The following RALYL variants were observed in gnomAD, a reference collection of about 807,000 sequenced individuals.
RALYL encodes the protein RALY RNA binding protein like, also known as RNA-binding Raly-like protein.
RALYL carries 29 observed loss-of-function variants against 35.1 expected under a neutral mutation model. The observed-to-expected ratio is 0.83, with a 90% CI of 0.61 to 1.13. The LOEUF is 1.13. Among genes scored for constraint, RALYL ranks in the 50% most tolerant of loss-of-function variants. RALYL has a pLI of 0.00. For missense variants in RALYL, 359 were observed against 360.4 expected, an observed-to-expected ratio of 1.00 and a Z score of 0.03; for synonymous variants, 120 against 127.6, an observed-to-expected ratio of 0.94 and a Z score of 0.40.
intron 8 of RALYL, among the ~76,000 whole-genome samples, chr8:84,897,830 C>A (rs765124357): frequency 1.6e-4 from 24 of 152,160 alleles, no homozygotes; most frequent in Admixed American, 7.2e-4. Context: ...CTACTGGTTT[C>A]TGGTTTCACA....
chr8:84,854,852 T>C (rs1836652016), intron 5 of RALYL, among the ~76,000 whole-genome samples: 1 of 152,154 alleles, frequency 6.6e-6, no homozygotes, highest in African/African-American at 2.4e-5. Context: ...GCATAGGAGA[T>C]TCTGTTCAGA....
intron 8 of RALYL, chr8:84,907,111 A>G (rs1846630278): frequency 3.7e-6 from 1 of 268,720 alleles, no homozygotes; most frequent in South Asian, 1.4e-4. Context: ...TTAGGAATAC[A>G]TTTTAATAAT....
chr8:84,361,939 G>A (rs930180198), intron 1 of RALYL, among the ~76,000 whole-genome samples: 1 of 152,110 alleles, frequency 6.6e-6, no homozygotes, highest in Non-Finnish European at 1.5e-5. Context: ...GTGAGACTTT[G>A]AGCAAAATAC....
At chr8:84,615,503 A>C (rs901175475) in intron 2 of RALYL, among the ~76,000 whole-genome samples, 1 of 149,226 alleles carries the variant, frequency 6.7e-6, no homozygotes, top group African/African-American at 2.5e-5. Context: ...GTGATTAATC[A>C]GTTTAAACAG....
Position 84,432,688 on chromosome 8 carries a change from A to G in RALYL, c.-23-96611A>G, listed in dbSNP as rs190431236. Among the ~76,000 whole-genome samples the G allele has an allele frequency of 1.5e-3, 233 of 152,234 alleles. 2 individuals are homozygous for G. Among genetic ancestry groups the G allele is most frequent in the African/African-American group, 4.5e-3 (186 of 41,544 alleles). The stretch of plus-strand genomic sequence containing the variant: ...TACAGTAGGCTGAGTTCTACATCCA[A>G]TATGCCTGGAGTTTTATAAGACAAT... On this transcript the variant is annotated intron_variant, in intron 1 of 8. Transcript: ENST00000521268.
chr8:84,437,306 G>A (rs372071193), intron 1 of RALYL, among the ~76,000 whole-genome samples: 2 of 152,152 alleles, frequency 1.3e-5, no homozygotes, highest in South Asian at 2.1e-4. Context: ...CTTTGCTATC[G>A]TGTTGTGATG....
At chr8:84,483,692 A>G (rs115395490) in intron 1 of RALYL, among the ~76,000 whole-genome samples, 120 of 152,272 alleles carry the variant, frequency 7.9e-4, no homozygotes, top group African/African-American at 2.7e-3. Flanking sequence ...AGATATTATC[A>G]AACTACAACA....
intron 2 of RALYL, among the ~76,000 whole-genome samples, chr8:84,649,910 T>C (rs1213930233): frequency 2.0e-5 from 3 of 152,260 alleles, no homozygotes; most frequent in Non-Finnish European, 2.9e-5. Flanking sequence ...TTCCTACCCA[T>C]GAGCATGGAA....
intron 1 of RALYL, among the ~76,000 whole-genome samples, chr8:84,310,726 G>A (rs1011450073): frequency 6.6e-6 from 1 of 152,116 alleles, no homozygotes; most frequent in Admixed American, 6.5e-5. Context: ...TAAGGCAGAA[G>A]TAAATGGCTA....
chr8:84,424,815 G>A (rs2046149748), intron 1 of RALYL, among the ~76,000 whole-genome samples: 2 of 152,178 alleles, frequency 1.3e-5, no homozygotes, highest in South Asian at 4.1e-4. Flanking sequence ...TGCTGTGTGA[G>A]GTGTCAGTGT....
chr8:84,464,215 T>C (rs1268383797), intron 1 of RALYL, among the ~76,000 whole-genome samples: 1 of 151,640 alleles, frequency 6.6e-6, no homozygotes, highest in Non-Finnish European at 1.5e-5. Context: ...TATGTATACA[T>C]GTGCCATGCT....
chr8:84,294,891 G>T (rs1472132681), intron 1 of RALYL, among the ~76,000 whole-genome samples: 1 of 152,050 alleles, frequency 6.6e-6, no homozygotes, highest in Non-Finnish European at 1.5e-5. Context: ...GAACATAATT[G>T]ACTTTCTCTG....
intron 3 of RALYL, among the ~76,000 whole-genome samples, chr8:84,782,227 C>G (rs1382042359): frequency 6.6e-6 from 1 of 152,136 alleles, no homozygotes; most frequent in Non-Finnish European, 1.5e-5. Flanking sequence ...ACAGACTAGG[C>G]CTTCAAATTA....
rs1229959194 is a variant in RALYL at position 84,184,792 on chromosome 8, G to A, written c.-24+368G>A. ...TCCGAGGGCCACTTGCACAGCAGGA[G>A]GGGCGAGGGCCGTGTACGTGGCGCT... is the stretch of plus-strand genomic sequence containing the variant. On this transcript the variant is annotated intron_variant, in intron 1 of 8. Coordinates refer to ENST00000521268, the MANE Select transcript of RALYL (RefSeq NM_173848.7). 1.8e-5 allele frequency: 10 copies of A among 559,352 alleles called. No individual in the cohort carries two copies. The East Asian group carries it at 2.6e-4, about 15-fold the overall frequency. 34.6% of individuals were successfully genotyped at this position (559,352 alleles called of 1,614,324 possible).
chr8:84,475,582 A>G (rs989711304), intron 1 of RALYL, among the ~76,000 whole-genome samples: 4 of 152,228 alleles, frequency 2.6e-5, no homozygotes, highest in African/African-American at 9.6e-5. Context: ...TTAGACATAC[A>G]CCAAAGAAAA....
intron 2 of RALYL, among the ~76,000 whole-genome samples, chr8:84,673,298 A>G (rs942681131): frequency 6.6e-6 from 1 of 151,830 alleles, no homozygotes; most frequent in African/African-American, 2.4e-5. Flanking sequence ...AACTGCAAAA[A>G]TTTTCTCCCA....
At chr8:84,338,107 G>A (rs1301729349) in intron 1 of RALYL, among the ~76,000 whole-genome samples, 2 of 151,778 alleles carry the variant, frequency 1.3e-5, no homozygotes, top group Non-Finnish European at 2.9e-5. Flanking sequence ...TGTGTTTCTT[G>A]TTATTTTAAA....
intron 1 of RALYL, among the ~76,000 whole-genome samples, chr8:84,299,609 G>A (rs893313662): frequency 6.6e-6 from 1 of 151,796 alleles, no homozygotes; most frequent in Non-Finnish European, 1.5e-5. Context: ...GGCTTTCCCT[G>A]GTTGGTCGGC....
chr8:84,657,996 T>G (rs1176790929), intron 2 of RALYL, among the ~76,000 whole-genome samples: 1 of 152,152 alleles, frequency 6.6e-6, no homozygotes. Flanking sequence ...AGGGAAAGCT[T>G]GGAAGTTGAG....
Sources: allele counts gnomAD v4.1 joint callset (sites outside exome capture counted in the v4.1 genomes callset), GRCh38; gene constraint gnomAD v4.1.1; transcripts MANE v1.5; gene names NCBI Gene and HGNC (gene_info 2026-07-23, HGNC 2026-07-21).